Variants in PALD1 observed in about 807,000 individuals in gnomAD.
PALD1 encodes the protein paladin.
A neutral mutation model predicts 96.0 loss-of-function variants in PALD1; 57 were observed. The observed-to-expected ratio is 0.59, with a 90% CI of 0.48 to 0.74. PALD1 has a LOEUF of 0.74. Among genes scored for constraint, PALD1 ranks in the 30% least tolerant of loss-of-function variants. The pLI is 0.00. For missense variants in PALD1, 1,063 were observed against 1,143.7 expected, an observed-to-expected ratio of 0.93 and a Z score of 1.02; for synonymous variants, 464 against 473.6, an observed-to-expected ratio of 0.98 and a Z score of 0.26.
At chr10:70,507,941 G>A (rs1846426859) in intron 1 of PALD1, among the ~76,000 whole-genome samples, 1 of 152,246 alleles carries the variant, frequency 6.6e-6, no homozygotes, top group South Asian at 2.1e-4. Flanking sequence ...GTGAAGGCCA[G>A]CACCAGGTCC....
At chr10:70,512,068 A>G (rs997852505) in intron 1 of PALD1, among the ~76,000 whole-genome samples, 1 of 152,180 alleles carries the variant, frequency 6.6e-6, no homozygotes, top group Admixed American at 6.5e-5. Context: ...GTGAGGACAG[A>G]GCCCTCATGG....
chr10:70,473,068 G>A, the PALD1 span, among the ~76,000 whole-genome samples: 1 of 152,148 alleles, frequency 6.6e-6, no homozygotes. Flanking sequence ...TGAAAACTCA[G>A]GTCTTGTCTG....
chr10:70,560,081 A>C (rs1847705408), intron 18 of PALD1, among the ~76,000 whole-genome samples: 2 of 152,188 alleles, frequency 1.3e-5, no homozygotes, highest in African/African-American at 4.8e-5. Context: ...TGATGAAGCA[A>C]TTAGAATCTG....
At chr10:70,546,878 G>A (rs1847376017) in intron 17 of PALD1, among the ~76,000 whole-genome samples, 1 of 152,146 alleles carries the variant, frequency 6.6e-6, no homozygotes, top group African/African-American at 2.4e-5. Flanking sequence ...CTGAATCCAG[G>A]AAGTTGAGGC....
intron 12 of PALD1, among the ~76,000 whole-genome samples, 178 bp from the exon 13 acceptor site, chr10:70,538,714 G>A (rs1018319889): frequency 6.6e-6 from 1 of 152,216 alleles, no homozygotes; most frequent in African/African-American, 2.4e-5. Context: ...TCCAGAGAGT[G>A]GGCACCATTG....
chr10:70,508,816 TGTGC>T (rs1186950847), intron 1 of PALD1, among the ~76,000 whole-genome samples: 7 of 116,044 alleles, frequency 6.0e-5, no homozygotes, highest in South Asian at 2.8e-4. Flanking sequence ...TGTGTGTGTG[TGTGC>T]AGGCCTGTGG....
chr10:70,530,829 G>C (rs759029525), intron 4 of PALD1, among the ~76,000 whole-genome samples: 2 of 152,142 alleles, frequency 1.3e-5, no homozygotes, highest in African/African-American at 4.8e-5. Context: ...TGCCTGTATG[G>C]TGCTCAGTGA....
chr10:70,461,356 G>T, the PALD1 span, among the ~76,000 whole-genome samples: 1 of 152,348 alleles, frequency 6.6e-6, no homozygotes, highest in African/African-American at 2.4e-5. Context: ...CTTACTGTCA[G>T]CTGGAATTAT....
At chr10:70,531,603 C>A in intron 5 of PALD1, 149 bp downstream of exon 5, 1 of 679,376 alleles carries the variant, frequency 1.5e-6, no homozygotes, top group Non-Finnish European at 2.4e-6. Context: ...AAGGCTGACT[C>A]ACGGGCAGCC....
intron 1 of PALD1, among the ~76,000 whole-genome samples, chr10:70,513,637 G>A (rs1209276164): frequency 1.3e-5 from 2 of 152,146 alleles, no homozygotes; most frequent in African/African-American, 2.4e-5. Flanking sequence ...ACCCCCAAAC[G>A]CTTCAGCCTG....
At chr10:70,532,961 G>A (rs778466365) in intron 6 of PALD1, 34 bp from the exon 7 acceptor site, 3 of 1,554,988 alleles carry the variant, frequency 1.9e-6, no homozygotes, top group Non-Finnish European at 2.6e-6. Context: ...CAGAGTGGGT[G>A]CCTGCCTGAT....
At chr10:70,506,248 G>A (rs1846387862) in intron 1 of PALD1, among the ~76,000 whole-genome samples, 1 of 152,184 alleles carries the variant, frequency 6.6e-6, no homozygotes, top group African/African-American at 2.4e-5. Flanking sequence ...ATATCTCTGG[G>A]AACACAGTGA....
At chr10:70,498,707 A>C (rs1321958645) in intron 1 of PALD1, among the ~76,000 whole-genome samples, 5 of 151,778 alleles carry the variant, frequency 3.3e-5, no homozygotes, top group Non-Finnish European at 5.9e-5. Context: ...TGGGTAGATC[A>C]CCTGAGGTCA....
In PALD1 at chr10:70,532,985, C is replaced by T. The variant is rs368018149; in HGVS notation, c.795-10C>T. On this transcript the variant is annotated splice_polypyrimidine_tract_variant and intron_variant, in intron 6 of 19. Transcript: ENST00000263563. ...TGCCTGCCTGATGGCTGCTCTCCCT[C>T]ACCTGGCAGGTACCACCGCCTGCCC... 14 of 1,572,364 alleles carry T rather than the reference C, an allele frequency of 8.9e-6. No individual in the cohort carries two copies. Among genetic ancestry groups the T allele is most frequent in the Non-Finnish European group, 7.8e-6 (9 of 1,158,722 alleles).
At chr10:70,489,150 C>T (rs1156968936) in intron 1 of PALD1, among the ~76,000 whole-genome samples, 8 of 152,226 alleles carry the variant, frequency 5.3e-5, no homozygotes, top group Non-Finnish European at 1.2e-4. Context: ...AGGGGCCTCC[C>T]AATAGCTATC....
chr10:70,554,804 G>A (rs1161836690), intron 18 of PALD1, among the ~76,000 whole-genome samples: 1 of 151,342 alleles, frequency 6.6e-6, no homozygotes, highest in African/African-American at 2.4e-5. Flanking sequence ...CTGAGGTGAA[G>A]GGAGCCACAC....
intron 1 of PALD1, among the ~76,000 whole-genome samples, chr10:70,506,564 A>T (rs1199542051): frequency 1.3e-5 from 2 of 152,100 alleles, no homozygotes; most frequent in Non-Finnish European, 2.9e-5. Flanking sequence ...AACTAACCTG[A>T]GTGACACTGC....
chr10:70,461,515 G>T, the PALD1 span, among the ~76,000 whole-genome samples: 4 of 152,216 alleles, frequency 2.6e-5, no homozygotes, highest in Non-Finnish European at 5.9e-5. Flanking sequence ...GGAAACACGT[G>T]TGAAGGAAAG....
chr10:70,529,615 C>T (rs1316583554), intron 3 of PALD1, among the ~76,000 whole-genome samples: 1 of 152,170 alleles, frequency 6.6e-6, no homozygotes, highest in Non-Finnish European at 1.5e-5. Context: ...AGGCCTGGCT[C>T]AGACGTCACC....
Sources: allele counts gnomAD v4.1 joint callset (sites outside exome capture counted in the v4.1 genomes callset), GRCh38; gene constraint gnomAD v4.1.1; transcripts MANE v1.5; gene names NCBI Gene and HGNC (gene_info 2026-07-23, HGNC 2026-07-21).